DCC: variants seen among roughly 807,000 people sequenced by gnomAD.
DCC encodes DCC netrin 1 receptor.
Under a neutral mutation model 172.5 loss-of-function variants are expected in DCC, and 58 were observed. The ratio of observed to expected loss-of-function variants is 0.34; its 90% confidence interval spans 0.27 to 0.42. The LOEUF (loss-of-function observed/expected upper bound fraction) is 0.42, where lower values mean the gene tolerates loss of function less well. DCC is among the 10% of genes least tolerant of loss of function. The pLI is 1.00. For synonymous variants in DCC, 709 were observed against 644.5 expected (o/e 1.10, Z -1.52); for missense variants, 1,740 against 1,791.0 (o/e 0.97, Z 0.51).
chr18:52,864,068 A>T (rs1169851028), intron 2 of DCC, among the ~76,000 whole-genome samples: 1 of 152,234 alleles, frequency 6.6e-6, no homozygotes, highest in Non-Finnish European at 1.5e-5. Flanking sequence ...AGACATGTAT[A>T]TACAAAAATA....
chr18:53,529,951 G>A (rs2046507332), intron 28 of DCC, among the ~76,000 whole-genome samples: 1 of 152,016 alleles, frequency 6.6e-6, no homozygotes, highest in Non-Finnish European at 1.5e-5. Context: ...TGTGGTTTGG[G>A]GCATGAATTT....
At chr18:53,054,237 T>C (rs888485994) in intron 5 of DCC, among the ~76,000 whole-genome samples, 2 of 152,018 alleles carry the variant, frequency 1.3e-5, no homozygotes, top group Non-Finnish European at 2.9e-5. Flanking sequence ...TTATCTGCAG[T>C]CGGTTGAATC....
intron 7 of DCC, among the ~76,000 whole-genome samples, chr18:53,147,553 T>C (rs910096317): frequency 3.9e-5 from 6 of 152,138 alleles, no homozygotes; most frequent in Non-Finnish European, 7.4e-5. Context: ...GGCTATAAAA[T>C]TTAGGGATGG....
intron 2 of DCC, among the ~76,000 whole-genome samples, chr18:52,895,042 G>C (rs909047981): frequency 6.6e-6 from 1 of 152,180 alleles, no homozygotes; most frequent in South Asian, 2.1e-4. Context: ...AAGTAATGCA[G>C]TCAGTGCAGG....
At chr18:52,639,510 A>G (rs1490634933) in intron 1 of DCC, among the ~76,000 whole-genome samples, 2 of 152,162 alleles carry the variant, frequency 1.3e-5, no homozygotes, top group Non-Finnish European at 2.9e-5. Context: ...ACAAGAGATC[A>G]TTCAAGGCTA....
chr18:53,488,324 G>C (rs1193077298), intron 26 of DCC, among the ~76,000 whole-genome samples: 3 of 152,100 alleles, frequency 2.0e-5, no homozygotes, highest in African/African-American at 7.2e-5. Context: ...GCATTGAGCT[G>C]AGAGTGTGAC....
At chr18:52,987,042 G>C (rs1456785928) in intron 5 of DCC, among the ~76,000 whole-genome samples, 2 of 152,064 alleles carry the variant, frequency 1.3e-5, no homozygotes, top group African/African-American at 4.8e-5. Context: ...GGCTGGCCTT[G>C]AACTCCTGAC....
chr18:52,881,174 CA>C (rs1457817552), intron 2 of DCC, among the ~76,000 whole-genome samples: 5 of 152,148 alleles, frequency 3.3e-5, no homozygotes, highest in African/African-American at 9.6e-5. Context: ...AATGTTTATT[CA>C]AATCTTTTGA....
At chr18:53,056,043 A>G (rs1459167957) in intron 5 of DCC, among the ~76,000 whole-genome samples, 6 of 152,102 alleles carry the variant, frequency 3.9e-5, no homozygotes, top group Non-Finnish European at 8.8e-5. Context: ...ATTTATAAAG[A>G]ATATTTTTCC....
Position 53,397,362 on chromosome 18 carries a change from A to G in DCC, c.2743A>G (p.Met915Val), listed in dbSNP as rs1909021366. Reference protein sequence around the residue: ...YTATGLKPNTMYEFSVMVTKN... With the variant: ...YTATGLKPNTVYEFSVMVTKN... ...AGCAACAGGCCTCAAACCAAACACA[A>G]TGTATGAATTCTCGGTCATGGTAAC... is the stretch of plus-strand genomic sequence containing the variant. Residue 915 changes from methionine (M) to valine (V), a missense_variant, in exon 18 of 29, where the codon ATG (methionine) becomes GTG (valine). Around this residue, in one of 2 missense-constraint regions of DCC, gnomAD observed 1,732 missense variants for 1,767.4 expected, o/e 0.98. Coordinates refer to ENST00000442544, the MANE Select transcript of DCC (RefSeq NM_005215.4). The G allele has an allele frequency of 1.9e-6, 3 of 1,613,916 alleles. No individual in the cohort carries two copies. Among genetic ancestry groups the G allele is most frequent in the East Asian group, 2.2e-5 (1 of 44,874 alleles).
chr18:53,070,251 C>T (rs537173123), intron 7 of DCC, among the ~76,000 whole-genome samples: 162 of 152,222 alleles, frequency 1.1e-3, no homozygotes, highest in African/African-American at 3.8e-3. Context: ...CCACCTGTCT[C>T]GGCCTCACAA....
chr18:53,258,811 G>C (rs996493309), intron 12 of DCC, among the ~76,000 whole-genome samples: 1 of 152,112 alleles, frequency 6.6e-6, no homozygotes, highest in Non-Finnish European at 1.5e-5. Flanking sequence ...TGACAGTGGG[G>C]TGTTAAAGTC....
chr18:53,249,419 A>C (rs2056402479), intron 12 of DCC, among the ~76,000 whole-genome samples: 1 of 151,848 alleles, frequency 6.6e-6, no homozygotes, highest in African/African-American at 2.4e-5. Flanking sequence ...ACATTTTTAC[A>C]ATTAGGGTTT....
intron 1 of DCC, among the ~76,000 whole-genome samples, chr18:52,435,463 C>T (rs893355728): frequency 2.6e-5 from 4 of 152,116 alleles, no homozygotes; most frequent in Non-Finnish European, 5.9e-5. Context: ...GTCAGAGCCT[C>T]GGGTGGATGG....
At chr18:52,794,784 A>G (rs548287190) in intron 2 of DCC, among the ~76,000 whole-genome samples, 81 of 152,044 alleles carry the variant, frequency 5.3e-4, no homozygotes, top group African/African-American at 1.8e-3. Context: ...TGTCATATAT[A>G]TGGTCTTTCT....
At chr18:52,379,960 G>A (rs1985515273) in intron 1 of DCC, among the ~76,000 whole-genome samples, 1 of 152,122 alleles carries the variant, frequency 6.6e-6, no homozygotes, top group South Asian at 2.1e-4. Context: ...CTGGAGGCTG[G>A]GAAGTTCAAG....
intron 21 of DCC, among the ~76,000 whole-genome samples, chr18:53,421,731 C>G (rs2145079332): frequency 6.6e-6 from 1 of 152,276 alleles, no homozygotes; most frequent in South Asian, 2.1e-4. Context: ...AACATCCTCA[C>G]CTGTAAAATG....
At chr18:52,659,782 G>T (rs1292499248) in intron 1 of DCC, among the ~76,000 whole-genome samples, 1 of 151,984 alleles carries the variant, frequency 6.6e-6, no homozygotes, top group Non-Finnish European at 1.5e-5. Flanking sequence ...ATTAAAGTGG[G>T]ATGGGAGGTG....
intron 21 of DCC, among the ~76,000 whole-genome samples, chr18:53,426,231 G>A (rs1466803590): frequency 2.1e-5 from 3 of 144,906 alleles, no homozygotes; most frequent in Admixed American, 7.0e-5. Flanking sequence ...ATATATGTAT[G>A]TGTCTGTGTA....
Sources: allele counts gnomAD v4.1 joint callset (sites outside exome capture counted in the v4.1 genomes callset), GRCh38; gene constraint gnomAD v4.1.1; regional missense constraint gnomAD v4.1.1; transcripts MANE v1.5; gene names NCBI Gene and HGNC (gene_info 2026-07-23, HGNC 2026-07-21).